Variants in NDST1 observed in about 807,000 individuals in gnomAD.
NDST1 encodes N-deacetylase and N-sulfotransferase 1.
A neutral mutation model predicts 92.8 loss-of-function variants in NDST1; 35 were observed. That is an observed-to-expected ratio of 0.38 (90% CI 0.29 to 0.50). The LOEUF (loss-of-function observed/expected upper bound fraction) is 0.50, where lower values mean the gene tolerates loss of function less well. NDST1 is among the 20% of genes least tolerant of loss of function. The pLI, the probability that NDST1 is intolerant of heterozygous loss-of-function variation, is 0.94. For synonymous variants in NDST1, 493 were observed against 500.3 expected (o/e 0.99, Z 0.19); for missense variants, 822 against 1,182.7 (o/e 0.69, Z 4.47).
At chr5:150,532,070 G>A (rs890099980) in intron 3 of NDST1, among the ~76,000 whole-genome samples, 3 of 152,210 alleles carry the variant, frequency 2.0e-5, no homozygotes, top group African/African-American at 4.8e-5. Flanking sequence ...GACCACAGAC[G>A]TAGCATTGGC....
intron 8 of NDST1, among the ~76,000 whole-genome samples, chr5:150,540,816 A>G (rs1251036074): frequency 6.6e-6 from 1 of 152,194 alleles, no homozygotes; most frequent in African/African-American, 2.4e-5. Context: ...CCCTGTTTCA[A>G]AAACAAAAAA....
At chr5:150,504,785 C>T (rs1036529635), upstream of NDST1, among the ~76,000 whole-genome samples, 2 of 152,168 alleles carry the variant, frequency 1.3e-5, no homozygotes, top group Non-Finnish European at 2.9e-5. Context: ...AATGGGATAA[C>T]GTGTGAAATG....
Position 150,542,875 on chromosome 5 carries a change from G to A in NDST1, c.1874G>A (p.Gly625Asp). The A allele has an allele frequency of 6.2e-7, 1 of 1,614,108 alleles. No individual in the cohort carries two copies. The highest frequency in any genetic ancestry group is 8.5e-7 in the Non-Finnish European group (1 of 1,179,980). The change falls in exon 10 of 15, where the codon GGC (glycine) becomes GAC (aspartate). Residue 625 changes from glycine (G) to aspartate (D), a missense_variant. Physicochemically the swap from Gly to Asp is moderately conservative, Grantham distance 94. Transcript: ENST00000261797. ...TGTTALYLFL[G>D]MHPDLSSNYP... is the part of the protein sequence containing the mutation. ...ACCACTGCCCTCTACCTGTTCCTGG[G>A]CATGCACCCTGACCTAAGCAGCAAC... is the stretch of plus-strand genomic sequence containing the variant.
At chr5:150,544,661 T>A (rs1755400614) in intron 10 of NDST1, among the ~76,000 whole-genome samples, 1 of 152,180 alleles carries the variant, frequency 6.6e-6, no homozygotes, top group South Asian at 2.1e-4. Flanking sequence ...CATAGGTAGA[T>A]TCCCCTGGGA....
chr5:150,541,799 T>C (rs1755261293), intron 9 of NDST1, 133 bp downstream of exon 9: 1 of 827,340 alleles, frequency 1.2e-6, no homozygotes, highest in Non-Finnish European at 2.0e-6. Context: ...GGAATGAAGT[T>C]GGGGTGAACA....
At chr5:150,527,189 C>T (rs1754512544) in intron 2 of NDST1, among the ~76,000 whole-genome samples, 1 of 152,206 alleles carries the variant, frequency 6.6e-6, no homozygotes, top group African/African-American at 2.4e-5. Context: ...CATAGCTCCT[C>T]CCAACCACTG....
At chr5:150,551,146 C>T (rs1755708063) in intron 13 of NDST1, among the ~76,000 whole-genome samples, 1 of 152,192 alleles carries the variant, frequency 6.6e-6, no homozygotes, top group Admixed American at 6.5e-5. Context: ...GTATTCCTCC[C>T]TTCCCATAAC....
At chr5:150,522,896 G>A (rs368627864) in intron 2 of NDST1, among the ~76,000 whole-genome samples, 42 of 152,350 alleles carry the variant, frequency 2.8e-4, no homozygotes, top group African/African-American at 9.6e-4. Flanking sequence ...AAGAAGGGAC[G>A]TTAAGTGCAC....
chr5:150,506,971 C>T (rs1020787711), upstream of NDST1, among the ~76,000 whole-genome samples: 3 of 152,236 alleles, frequency 2.0e-5, no homozygotes, highest in Admixed American at 6.5e-5. Flanking sequence ...ACCTGGCTTC[C>T]GTCCTCACTG....
chr5:150,549,759 A>C lies in NDST1; in HGVS notation c.2398A>C (p.Asn800His), dbSNP rs1204747968. Residue 800 changes from asparagine (N) to histidine (H), a missense_variant, in exon 13 of 15, where the codon AAC becomes CAC. By Grantham distance (68) the Asn-to-His change is moderately conservative. Coordinates refer to ENST00000261797, the MANE Select transcript of NDST1 (RefSeq NM_001543.5). ...DMVQKFLGVT[N>H]TIDYHKTLAF... ...GGTGCAGAAGTTCCTTGGGGTGACC[A>C]ACACCATTGACTACCACAAAACCTT... is the stretch of plus-strand genomic sequence containing the variant. 6.2e-7 allele frequency: 1 copy of C among 1,612,930 alleles called. No individual in the cohort carries two copies. Among genetic ancestry groups the C allele is most frequent in the Non-Finnish European group, 8.5e-7 (1 of 1,179,008 alleles).
At chr5:150,501,671 G>T (rs1479761447) in intron 1 of NDST1, among the ~76,000 whole-genome samples, 1 of 152,174 alleles carries the variant, frequency 6.6e-6, no homozygotes, top group Non-Finnish European at 1.5e-5. Flanking sequence ...TTTGGTCCAG[G>T]CTCTTTTCTA....
Position 150,557,161 on chromosome 5 carries a change from G to C in NDST1, c.*3829G>C, listed in dbSNP as rs1356046067. ...TACCAAGTGCCAAAACAGCAGAGGG[G>C]CCAGTTAGAGCAAGAGCTCTGGGGG... On this transcript the variant is annotated 3_prime_UTR_variant, in exon 15 of 15. Coordinates refer to ENST00000261797, the MANE Select transcript of NDST1 (RefSeq NM_001543.5). This position sits in a 1 kb window ranked among gnomAD's most constrained non-coding sequence, Gnocchi z 4.7. The C allele has an allele frequency of 1.3e-5, 2 of 152,562 alleles. No homozygotes were observed. Among genetic ancestry groups the C allele is most frequent in the Non-Finnish European group, 2.9e-5 (2 of 68,122 alleles). The allele number at this position is 152,562 out of a possible 1,614,324, so 9.5% of individuals were successfully genotyped here.
rs753004555 is a variant in NDST1 at position 150,521,288 on chromosome 5, C to T, written c.34C>T (p.Arg12Trp). Reference protein sequence around the residue: ...PALACLRRLCRHVSPQAVLFL... With the variant: ...PALACLRRLCWHVSPQAVLFL... ...CCTGGCATGCCTCCGGAGGCTGTGT[C>T]GGCACGTGTCCCCGCAGGCTGTCCT... is the stretch of plus-strand genomic sequence containing the variant. Residue 12 changes from arginine (R) to tryptophan (W), a missense_variant, in exon 2 of 15, where the codon CGG (arginine) becomes TGG (tryptophan). Transcript: ENST00000261797. The surrounding 1 kb of genome is among the most constrained non-coding windows in gnomAD (Gnocchi z 5.9). The T allele has an allele frequency of 7.4e-6, 12 of 1,612,008 alleles. No homozygotes were observed. Among genetic ancestry groups the T allele is most frequent in the African/African-American group, 4.0e-5 (3 of 75,042 alleles).
chr5:150,528,545 C>T (rs192397797), intron 3 of NDST1, among the ~76,000 whole-genome samples: 126 of 152,176 alleles, frequency 8.3e-4, no homozygotes, highest in African/African-American at 2.9e-3. Flanking sequence ...AATCCCAGCA[C>T]TTTGGGAGGC....
rs532564892 is a variant in NDST1, at chr5:150,510,946, T to A, written c.-388+2720T>A. Among the ~76,000 whole-genome samples the A allele has an allele frequency of 3.9e-5, 6 of 152,346 alleles. No individual in the cohort carries two copies. In the East Asian group the frequency reaches 1.2e-3, roughly 29 times the overall value. The stretch of plus-strand genomic sequence containing the variant: ...GGATGTGCAGGGCATCTGGCAAATG[T>A]TAGCTGTCTTAGGTGATCACAGAGG... On this transcript the variant is annotated intron_variant, in intron 1 of 14. Transcript: ENST00000261797.
exon 1 of NDST1, chr5:150,498,153 T>G (rs1561582978): frequency 6.6e-6 from 1 of 152,558 alleles, no homozygotes; most frequent in Non-Finnish European, 1.5e-5. Flanking sequence ...CTGGTGGCAG[T>G]GTAGCATCCT....
intron 2 of NDST1, among the ~76,000 whole-genome samples, chr5:150,527,482 C>A (rs1754526016): frequency 6.6e-6 from 1 of 152,196 alleles, no homozygotes; most frequent in Admixed American, 6.5e-5. Flanking sequence ...AGATTTTCTT[C>A]TATGTGGTTT....
chr5:150,503,332 C>T (rs1434197144), upstream of NDST1, among the ~76,000 whole-genome samples: 1 of 152,152 alleles, frequency 6.6e-6, no homozygotes, highest in South Asian at 2.1e-4. Flanking sequence ...ATCCCAGCTA[C>T]TCAGGAGGCT....
rs1755806923 is a variant in NDST1 at position 150,553,529 on chromosome 5, G to A, written c.*197G>A. 1 of 694,650 alleles carries A rather than the reference G, an allele frequency of 1.4e-6. No homozygotes were observed. Among genetic ancestry groups the A allele is most frequent in the Non-Finnish European group, 2.5e-6 (1 of 401,512 alleles). The allele number at this position is 694,650 out of a possible 1,614,324, so 43.0% of individuals were successfully genotyped here. ...TCGGAGCACCCACCGCTGGGTCTGC[G>A]GCCTAAGGGACCTCCCTCGCCAGCA... On this transcript the variant is annotated 3_prime_UTR_variant, in exon 15 of 15. Coordinates refer to ENST00000261797, the MANE Select transcript of NDST1 (RefSeq NM_001543.5). The surrounding 1 kb of genome is among the most constrained non-coding windows in gnomAD (Gnocchi z 4.2).
Sources: gnomAD v4.1 joint callset for allele counts (sites outside exome capture counted in the v4.1 genomes callset) on GRCh38, gnomAD v4.1.1 for gene constraint, Gnocchi (gnomAD v3.1) non-coding constraint, MANE v1.5 for transcripts, NCBI Gene and HGNC (gene_info 2026-07-23, HGNC 2026-07-21) for gene names.